Variants in PCDH17 observed in about 807,000 individuals in gnomAD.
PCDH17 encodes protocadherin 17.
PCDH17 carries 21 observed loss-of-function variants against 67.7 expected under a neutral mutation model. The observed-to-expected ratio is 0.31, with a 90% confidence interval of 0.22 to 0.45. PCDH17 has a LOEUF of 0.45. Among genes scored for constraint, PCDH17 ranks in the 20% least tolerant of loss-of-function variants. The probability of loss-of-function intolerance (pLI) is 1.00; values close to 1 mark genes in which losing one functional copy is unlikely to be tolerated. For missense variants in PCDH17, 1,471 were observed against 1,564.8 expected (o/e 0.94, Z 1.01); for synonymous variants, 701 against 656.7 (o/e 1.07, Z -1.03).
intron 3 of PCDH17, among the ~76,000 whole-genome samples, chr13:57,687,107 A>T (rs1164603594): frequency 1.3e-5 from 2 of 152,094 alleles, no homozygotes; most frequent in Admixed American, 1.3e-4. Flanking sequence ...AAAATGGCAC[A>T]TCGTGCAATT....
At position 57,633,743 on chromosome 13, in the gene PCDH17, C is replaced by A. The variant is rs746399485; in HGVS notation, c.1197C>A (p.Gly399=). Residue 399 remains glycine (G), a synonymous_variant, in exon 1 of 4, where the codon GGC becomes GGA. Coordinates refer to ENST00000377918, the MANE Select transcript of PCDH17 (RefSeq NM_001040429.3). The surrounding 1 kb of genome is among the most constrained non-coding windows in gnomAD (Gnocchi z 6.2). ...CRVLGGGGTG[G]GGGLGGPGGS... ...TCCTAGGCGGAGGAGGGACGGGCGG[C>A]GGCGGGGGCCTGGGCGGGCCCGGGG... The A allele has an allele frequency of 2.9e-6, 4 of 1,398,278 alleles. No homozygotes were observed. The South Asian group carries it at 4.7e-5, about 16-fold the overall frequency. The allele number at this position is 1,398,278 out of a possible 1,614,324, so 86.6% of individuals were successfully genotyped here.
chr13:57,706,515 TAAA>T (rs1159859133), intron 3 of PCDH17, among the ~76,000 whole-genome samples: 2 of 152,126 alleles, frequency 1.3e-5, no homozygotes, highest in African/African-American at 4.8e-5. Flanking sequence ...CTGGGTGGCT[TAAA>T]ACAAGAGAAA....
In PCDH17 at chr13:57,728,949, T is replaced by C. The variant is rs549691649; in HGVS notation, c.*3655T>C. ...TTACTGAGGTCAACAGATAGACAGG[T>C]CTGGCATAATATATGCCCAGTCATA... is the stretch of plus-strand genomic sequence containing the variant. On this transcript the variant is annotated 3_prime_UTR_variant, in exon 4 of 4. Transcript: ENST00000377918. 7.2e-5 allele frequency: 11 copies of C among 152,498 alleles called. No homozygotes were observed. The highest frequency in any genetic ancestry group is 2.2e-4 in the African/African-American group (9 of 41,574). 9.4% of individuals were successfully genotyped at this position (152,498 alleles called of 1,614,324 possible). A position where few individuals can be genotyped will look rare whatever the true frequency, so the allele number is the denominator to read the frequency against.
chr13:57,713,752 C>T (rs1764718675), intron 3 of PCDH17, among the ~76,000 whole-genome samples: 1 of 151,470 alleles, frequency 6.6e-6, no homozygotes, highest in Non-Finnish European at 1.5e-5. Flanking sequence ...TACGCGTATG[C>T]ATGAACACAT....
intron 3 of PCDH17, among the ~76,000 whole-genome samples, chr13:57,670,034 A>G (rs1260640200): frequency 6.6e-6 from 1 of 152,048 alleles, no homozygotes; most frequent in African/African-American, 2.4e-5. Context: ...AGTAGATATT[A>G]AGTAACTATT....
rs947934576 is a variant in PCDH17 at position 57,704,156 on chromosome 13, G to A, written c.2798-20456G>A. On this transcript the variant is annotated intron_variant, in intron 3 of 3. Coordinates refer to ENST00000377918, the MANE Select transcript of PCDH17 (RefSeq NM_001040429.3). ...AAGAATTCAGCTATATAGGTTTGTA[G>A]TCTCTGAAATTTAATCACAACCCGG... Among the ~76,000 whole-genome samples, 19 of 152,072 alleles carry A rather than the reference G, an allele frequency of 1.2e-4. 1 individual carries two copies. Among genetic ancestry groups the A allele is most frequent in the Admixed American group, 9.8e-4 (15 of 15,248 alleles).
rs1322775862 is a variant in PCDH17 at position 57,725,556 on chromosome 13, GA to G, written c.*267del. ...AAAGAGAAAAGAAAAAAAGAGAGAA[GA>G]AAAAGGAGAGATGAAAAAGGAGGAT... On this transcript the variant is annotated 3_prime_UTR_variant, in exon 4 of 4. Transcript: ENST00000377918. 10 of 373,816 alleles carry G rather than the reference GA, an allele frequency of 2.7e-5. No homozygotes were observed. Among genetic ancestry groups the G allele is most frequent in the Non-Finnish European group, 4.8e-5 (10 of 208,346 alleles). 23.2% of individuals were successfully genotyped at this position (373,816 alleles called of 1,614,324 possible).
intron 3 of PCDH17, among the ~76,000 whole-genome samples, chr13:57,715,157 A>T (rs1955807191): frequency 6.6e-6 from 1 of 151,828 alleles, no homozygotes. Flanking sequence ...TTTAACAGAC[A>T]TCTGATATTA....
intron 1 of PCDH17, among the ~76,000 whole-genome samples, chr13:57,662,693 T>G (rs548820508): frequency 6.6e-6 from 1 of 152,188 alleles, no homozygotes; most frequent in South Asian, 2.1e-4. Flanking sequence ...GACATCAAGT[T>G]GTAGAAGATT....
At chr13:57,651,356 GTTTTTTTT>G (rs67207232) in intron 1 of PCDH17, among the ~76,000 whole-genome samples, 26 of 84,106 alleles carry the variant, frequency 3.1e-4, no homozygotes, top group African/African-American at 1.2e-3. Context: ...TTTAATTGAG[GTTTTTTTT>G]TTTTTTTTTT....
Position 57,691,122 on chromosome 13 carries a change from G to A in PCDH17, c.2797+24289G>A, listed in dbSNP as rs973356827. Among the ~76,000 whole-genome samples the A allele has an allele frequency of 4.0e-5, 6 of 151,360 alleles. No homozygotes were observed. The East Asian group carries it at 1.2e-3, about 29-fold the overall frequency. On this transcript the variant is annotated intron_variant, in intron 3 of 3. Transcript: ENST00000377918. ...GTGACTACCAATTCATTAGTCAAAA[G>A]TGTTTACCAAAATTAAATATGAAGT...
intron 1 of PCDH17, among the ~76,000 whole-genome samples, chr13:57,658,685 C>CT (rs1378783785): frequency 1.3e-5 from 2 of 152,182 alleles, no homozygotes; most frequent in African/African-American, 2.4e-5. Context: ...GTGGTAGACT[C>CT]TGACTTAAAG....
chr13:57,664,735 A>G (rs1425101730), intron 1 of PCDH17, among the ~76,000 whole-genome samples: 1 of 152,216 alleles, frequency 6.6e-6, no homozygotes, highest in Non-Finnish European at 1.5e-5. Flanking sequence ...AATGGAATAG[A>G]TACATGTGTT....
Position 57,633,007 on chromosome 13 carries a change from C to T in PCDH17, c.461C>T (p.Thr154Ile). 2 of 1,613,192 alleles carry T rather than the reference C, an allele frequency of 1.2e-6. No individual in the cohort carries two copies. The highest frequency in any genetic ancestry group is 1.3e-5 in the African/African-American group (1 of 75,050). The change falls in exon 1 of 4, where the codon ACC (threonine) becomes ATC (isoleucine). Residue 154 changes from threonine (T) to isoleucine (I), a missense_variant. Physicochemically the swap from Thr to Ile is moderately conservative, Grantham distance 89. Around this residue, in one of 3 missense-constraint regions of PCDH17, gnomAD observed 1,163 missense variants for 1,230.0 expected, o/e 0.95. Transcript: ENST00000377918. This position sits in a 1 kb window ranked among gnomAD's most constrained non-coding sequence, Gnocchi z 6.2. ...GCTCCGGGCACCCGCTTCCCCCTCACCAGCGCACATGACCCCGACGCCGGC... is the reference window on the plus strand; with the variant it reads ...GCTCCGGGCACCCGCTTCCCCCTCATCAGCGCACATGACCCCGACGCCGGC... ...NAAPGTRFPL[T>I]SAHDPDAGEN...
At chr13:57,677,408 T>C (rs1955403807) in intron 3 of PCDH17, among the ~76,000 whole-genome samples, 2 of 151,842 alleles carry the variant, frequency 1.3e-5, no homozygotes, top group Non-Finnish European at 2.9e-5. Context: ...AGTTAAAATT[T>C]GAGCTAGGAC....
At position 57,634,710 on chromosome 13, in the gene PCDH17, G is replaced by A; in HGVS notation, c.2164G>A (p.Ala722Thr). 1 of 1,613,930 alleles carries A rather than the reference G, an allele frequency of 6.2e-7. No individual in the cohort carries two copies. Among genetic ancestry groups the A allele is most frequent in the Non-Finnish European group, 8.5e-7 (1 of 1,180,028 alleles). Residue 722 changes from alanine to threonine, a missense_variant, in exon 1 of 4, where the codon GCC (alanine) becomes ACC (threonine). By Grantham distance (58) the Ala-to-Thr change is moderately conservative. Transcript: ENST00000377918. This position sits in a 1 kb window ranked among gnomAD's most constrained non-coding sequence, Gnocchi z 7.8. ...LSTISIILLA[A>T]MITIAVKCKR... is the part of the protein sequence containing the mutation. ...CACTATCTCCATCATCCTCCTAGCG[G>A]CCATGATCACCATCGCCGTCAAGTG...
intron 1 of PCDH17, among the ~76,000 whole-genome samples, chr13:57,660,712 C>T (rs1566225529): frequency 1.3e-5 from 2 of 152,168 alleles, no homozygotes; most frequent in African/African-American, 4.8e-5. Context: ...CCCCTAGCAA[C>T]CACGGATTTG....
chr13:57,724,365 G>A (rs924230753), intron 3 of PCDH17, among the ~76,000 whole-genome samples: 3 of 152,108 alleles, frequency 2.0e-5, no homozygotes, highest in African/African-American at 7.2e-5. Context: ...TTCTCCAATG[G>A]CCACATCTTA....
At chr13:57,657,192 A>T (rs1955116590) in intron 1 of PCDH17, among the ~76,000 whole-genome samples, 2 of 152,174 alleles carry the variant, frequency 1.3e-5, no homozygotes, top group African/African-American at 4.8e-5. Flanking sequence ...TTAAGAAAAA[A>T]ATCTAAGTCA....
Sources: allele counts gnomAD v4.1 joint callset (sites outside exome capture counted in the v4.1 genomes callset), GRCh38; gene constraint gnomAD v4.1.1; regional missense constraint gnomAD v4.1.1; non-coding constraint Gnocchi (gnomAD v3.1); transcripts MANE v1.5; gene names NCBI Gene and HGNC (gene_info 2026-07-23, HGNC 2026-07-21).